The following TMEM132B variants were observed in gnomAD, a reference collection of about 807,000 sequenced individuals.
TMEM132B encodes the protein transmembrane protein 132B.
TMEM132B carries 18 observed loss-of-function variants against 90.8 expected under a neutral mutation model. The observed-to-expected ratio is 0.20, with a 90% confidence interval of 0.14 to 0.29. TMEM132B has a LOEUF of 0.29. Among genes scored for constraint, TMEM132B ranks in the 10% least tolerant of loss-of-function variants. The pLI, the probability that TMEM132B is intolerant of heterozygous loss-of-function variation, is 1.00. For missense variants in TMEM132B, 1,096 were observed against 1,326.8 expected (o/e 0.83, Z 2.70); for synonymous variants, 504 against 523.3 (o/e 0.96, Z 0.50).
In TMEM132B at chr12:125,578,744, TC is replaced by T. The variant is rs777270121; in HGVS notation, c.1294-5105del. Reference sequence around the variant, plus strand: ...ATTCTTGGTTGACAGTCTTTTTTCTTCCACCACATTGAATGTGTCATCCTTC... The same window carrying T: ...ATTCTTGGTTGACAGTCTTTTTTCTTCACCACATTGAATGTGTCATCCTTC... On this transcript the variant is annotated intron_variant, in intron 4 of 8. Coordinates refer to ENST00000682704, the MANE Select transcript of TMEM132B (RefSeq NM_001366854.1). 7.2e-5 allele frequency among the ~76,000 whole-genome samples: 11 copies of T among 152,342 alleles called. No homozygotes were observed. The East Asian group carries it at 1.2e-3, about 16-fold the overall frequency.
intron 1 of TMEM132B, among the ~76,000 whole-genome samples, chr12:125,235,795 T>G (rs1873922451): frequency 6.8e-6 from 1 of 146,992 alleles, no homozygotes; most frequent in Non-Finnish European, 1.5e-5. Context: ...TTATCAGCAC[T>G]TCATTCCTTT....
intron 5 of TMEM132B, among the ~76,000 whole-genome samples, chr12:125,591,790 C>T (rs918388918): frequency 5.9e-5 from 9 of 152,146 alleles, no homozygotes; most frequent in African/African-American, 1.9e-4. Flanking sequence ...GTTGCATGGT[C>T]TCACCCCTGT....
intron 2 of TMEM132B, among the ~76,000 whole-genome samples, chr12:125,352,693 A>G (rs1877629571): frequency 6.6e-6 from 1 of 152,268 alleles, no homozygotes; most frequent in South Asian, 2.1e-4. Flanking sequence ...AAATTCCAAC[A>G]TAAGTGAACC....
intron 2 of TMEM132B, among the ~76,000 whole-genome samples, chr12:125,379,487 A>C (rs907953591): frequency 2.6e-5 from 4 of 151,398 alleles, no homozygotes; most frequent in African/African-American, 9.7e-5. Context: ...CAAACAGAAA[A>C]CCCCCCAAAA....
At chr12:125,600,180 A>G (rs55819308) in intron 5 of TMEM132B, among the ~76,000 whole-genome samples, 1,650 of 152,326 alleles carry the variant, frequency 0.011, 30 homozygotes, top group African/African-American at 0.037. Context: ...GAGCCCTTGA[A>G]GAATTCTCTT....
chr12:125,560,994 T>C (rs1199707063), intron 4 of TMEM132B, among the ~76,000 whole-genome samples: 1 of 152,048 alleles, frequency 6.6e-6, no homozygotes, highest in African/African-American at 2.4e-5. Context: ...ACTAGAAATA[T>C]CATTTGACCC....
At chr12:125,298,127 G>C (rs1875716538) in intron 1 of TMEM132B, among the ~76,000 whole-genome samples, 1 of 152,126 alleles carries the variant, frequency 6.6e-6, no homozygotes, top group Non-Finnish European at 1.5e-5. Flanking sequence ...AAGGTGGCGC[G>C]AGCCTGTGTT....
At chr12:125,285,417 C>T (rs567793294) in intron 1 of TMEM132B, among the ~76,000 whole-genome samples, 2 of 152,288 alleles carry the variant, frequency 1.3e-5, no homozygotes, top group East Asian at 3.9e-4. Context: ...GCTGCGTGGT[C>T]GTGGCTCAGC....
rs541419620 is a variant in TMEM132B, at chr12:125,657,667, T to G, written c.*2957T>G. On this transcript the variant is annotated 3_prime_UTR_variant, in exon 9 of 9. Coordinates refer to ENST00000682704, the MANE Select transcript of TMEM132B (RefSeq NM_001366854.1). Reference sequence around the variant, plus strand: ...TGCATTTGCCTGGATTTTCCAGGATTTTATGGCTGATAGACCCAAATTATT... The same window carrying G: ...TGCATTTGCCTGGATTTTCCAGGATGTTATGGCTGATAGACCCAAATTATT... 5 of 152,184 alleles carry G rather than the reference T, an allele frequency of 3.3e-5. No individual in the cohort carries two copies. The highest frequency in any genetic ancestry group is 9.7e-5 in the African/African-American group (4 of 41,430). The allele number at this position is 152,184 out of a possible 1,614,324, so 9.4% of individuals were successfully genotyped here.
At chr12:125,569,843 G>C (rs1331456150) in intron 4 of TMEM132B, among the ~76,000 whole-genome samples, 1 of 152,094 alleles carries the variant, frequency 6.6e-6, no homozygotes, top group East Asian at 1.9e-4. Flanking sequence ...TTTCTGGAGA[G>C]GCGTCAGAGG....
At chr12:125,441,038 C>T (rs1880855139) in intron 3 of TMEM132B, among the ~76,000 whole-genome samples, 2 of 152,230 alleles carry the variant, frequency 1.3e-5, no homozygotes, top group African/African-American at 4.8e-5. Context: ...GATATCACCA[C>T]TTATTAGCCA....
chr12:125,603,805 C>T (rs796732198), intron 5 of TMEM132B, among the ~76,000 whole-genome samples: 2 of 152,140 alleles, frequency 1.3e-5, no homozygotes, highest in Non-Finnish European at 2.9e-5. Flanking sequence ...AGACACTTCT[C>T]GAAAGAGGAC....
chr12:125,343,478 T>G (rs1877259272), intron 1 of TMEM132B, among the ~76,000 whole-genome samples: 1 of 152,194 alleles, frequency 6.6e-6, no homozygotes, highest in Non-Finnish European at 1.5e-5. Flanking sequence ...TCAGATGACC[T>G]CCAAATGGTT....
chr12:125,257,281 G>A (rs140381268), intron 1 of TMEM132B, among the ~76,000 whole-genome samples: 45 of 152,164 alleles, frequency 3.0e-4, no homozygotes, highest in African/African-American at 1.1e-3. Context: ...ACTTCAGGCC[G>A]GGCAACAGAG....
intron 3 of TMEM132B, among the ~76,000 whole-genome samples, chr12:125,418,617 A>C (rs935611339): frequency 4.6e-5 from 7 of 152,194 alleles, no homozygotes; most frequent in Non-Finnish European, 1.0e-4. Flanking sequence ...ATCCCCAACA[A>C]AACACCCTGC....
intron 3 of TMEM132B, among the ~76,000 whole-genome samples, chr12:125,433,292 G>A (rs1436983095): frequency 1.3e-5 from 2 of 152,186 alleles, no homozygotes; most frequent in African/African-American, 2.4e-5. Flanking sequence ...GGTATTGGCT[G>A]TGGAACGTCA....
chr12:125,380,180 C>G (rs1236771709), intron 2 of TMEM132B, among the ~76,000 whole-genome samples: 1 of 152,140 alleles, frequency 6.6e-6, no homozygotes, highest in Non-Finnish European at 1.5e-5. Flanking sequence ...TTCTGAGGTT[C>G]TGAGGGAGAA....
intron 7 of TMEM132B, among the ~76,000 whole-genome samples, 187 bp from the exon 8 acceptor site, chr12:125,652,254 G>A (rs1441072393): frequency 6.6e-6 from 1 of 152,216 alleles, no homozygotes; most frequent in Non-Finnish European, 1.5e-5. Context: ...AGACCAAGAT[G>A]ATCTTTATAA....
chr12:125,194,244 C>T (rs1004011555), intron 1 of TMEM132B, among the ~76,000 whole-genome samples: 29 of 150,520 alleles, frequency 1.9e-4, no homozygotes, highest in Admixed American at 5.3e-4. Context: ...CTCGGTGCTC[C>T]GAGCCTGGTC....
Sources: allele counts gnomAD v4.1 joint callset (sites outside exome capture counted in the v4.1 genomes callset), GRCh38; gene constraint gnomAD v4.1.1; transcripts MANE v1.5; gene names NCBI Gene and HGNC (gene_info 2026-07-23, HGNC 2026-07-21).